VTI1A: variants seen among roughly 807,000 people sequenced by gnomAD.
The protein encoded by VTI1A is vesicle transport through interaction with t-SNAREs homolog 1A.
A neutral mutation model predicts 34.9 loss-of-function variants in VTI1A; 22 were observed. The ratio of observed to expected loss-of-function variants is 0.63; its 90% CI spans 0.45 to 0.90. The LOEUF (loss-of-function observed/expected upper bound fraction) is 0.90, where lower values mean the gene tolerates loss of function less well. VTI1A is among the 40% of genes least tolerant of loss of function. The pLI, the probability that VTI1A is intolerant of heterozygous loss-of-function variation, is 0.00. For missense variants in VTI1A, 268 were observed against 275.6 expected, an observed-to-expected ratio of 0.97 and a Z score of 0.20; for synonymous variants, 87 against 97.3, an observed-to-expected ratio of 0.89 and a Z score of 0.62.
the VTI1A span, chr10:112,831,878 A>G: frequency 6.6e-6 from 1 of 152,184 alleles, no homozygotes; most frequent in East Asian, 1.9e-4. Flanking sequence ...ATGGTTAAAT[A>G]AAATATGTCC....
chr10:112,686,637 A>C (rs1486750021), intron 7 of VTI1A, among the ~76,000 whole-genome samples: 2 of 152,168 alleles, frequency 1.3e-5, no homozygotes, highest in African/African-American at 4.8e-5. Context: ...TCTAAGTGGT[A>C]TAGTGAGGCA....
At chr10:112,459,593 G>C (rs1220350535) in intron 1 of VTI1A, among the ~76,000 whole-genome samples, 1 of 152,116 alleles carries the variant, frequency 6.6e-6, no homozygotes, top group Non-Finnish European at 1.5e-5. Context: ...GAGGAAGAAG[G>C]CCTTTGAAGA....
rs35475815 is a variant in VTI1A, at chr10:112,474,458, CT to C, written c.264+9816del. On this transcript the variant is annotated intron_variant, in intron 3 of 7. Transcript: ENST00000393077. ...TTCATTTTCTTTTCTTCATTCTTTC[CT>C]TTTTTTTTTTTTTTAAGACAGGGCC... Among the ~76,000 whole-genome samples the C allele has an allele frequency of 6.4e-3, 903 of 141,766 alleles. 3 individuals carry two copies. Among genetic ancestry groups the C allele is most frequent in the African/African-American group, 9.0e-3 (351 of 39,044 alleles). The allele number at this position is 141,766 out of a possible 152,430, so 93.0% of individuals were successfully genotyped here.
intron 7 of VTI1A, among the ~76,000 whole-genome samples, chr10:112,718,116 C>T: frequency 6.6e-6 from 1 of 152,114 alleles, no homozygotes; most frequent in East Asian, 1.9e-4. Context: ...ATCCTGTTGC[C>T]CCATCTTCTA....
At chr10:112,673,462 G>GCA (rs1282935356) in intron 7 of VTI1A, among the ~76,000 whole-genome samples, 3 of 34,714 alleles carry the variant, frequency 8.6e-5, no homozygotes, top group African/African-American at 1.1e-4. Flanking sequence ...ATGCGCGCGT[G>GCA]CGCGCGCACA....
At chr10:112,512,454 C>T (rs1849645464) in intron 3 of VTI1A, among the ~76,000 whole-genome samples, 1 of 152,032 alleles carries the variant, frequency 6.6e-6, no homozygotes, top group Admixed American at 6.5e-5. Context: ...ATATTAGTCA[C>T]CTGTTGGATG....
the VTI1A span, among the ~76,000 whole-genome samples, chr10:112,851,740 G>A: frequency 2.0e-5 from 3 of 152,156 alleles, no homozygotes; most frequent in African/African-American, 7.2e-5. Flanking sequence ...TCTGAACTAG[G>A]GAGACGCATT....
chr10:112,529,260 T>C (rs977629804), intron 4 of VTI1A, among the ~76,000 whole-genome samples: 1 of 152,162 alleles, frequency 6.6e-6, no homozygotes, highest in Non-Finnish European at 1.5e-5. Flanking sequence ...CACTGAACGT[T>C]TTGGATATTT....
intron 5 of VTI1A, among the ~76,000 whole-genome samples, chr10:112,593,861 T>A (rs752751384): frequency 1.3e-5 from 2 of 150,056 alleles, no homozygotes; most frequent in Non-Finnish European, 3.0e-5. Flanking sequence ...CTCAGTCTCC[T>A]GAGTAGCTAG....
intron 5 of VTI1A, among the ~76,000 whole-genome samples, chr10:112,585,140 A>G (rs1844094971): frequency 6.6e-6 from 1 of 152,226 alleles, no homozygotes. Flanking sequence ...ATAAAGGGCC[A>G]CACAGAAGAA....
At chr10:112,490,320 C>T (rs1486694374) in intron 3 of VTI1A, among the ~76,000 whole-genome samples, 2 of 152,198 alleles carry the variant, frequency 1.3e-5, no homozygotes, top group African/African-American at 2.4e-5. Flanking sequence ...CAGTTTGGCT[C>T]ACCGGTTGGT....
chr10:112,706,883 G>GT (rs1245761555), intron 7 of VTI1A, among the ~76,000 whole-genome samples: 1 of 152,046 alleles, frequency 6.6e-6, no homozygotes, highest in East Asian at 1.9e-4. Context: ...GCAGCAGCAG[G>GT]TTTTTTTCAT....
intron 5 of VTI1A, among the ~76,000 whole-genome samples, chr10:112,571,016 C>T (rs776959773): frequency 2.6e-5 from 4 of 152,190 alleles, no homozygotes; most frequent in Admixed American, 2.6e-4. Context: ...ATTTATTGAG[C>T]ATCTTCTATG....
chr10:112,561,960 T>C (rs1444616338), intron 5 of VTI1A, among the ~76,000 whole-genome samples: 1 of 152,194 alleles, frequency 6.6e-6, no homozygotes, highest in Non-Finnish European at 1.5e-5. Context: ...TCGAACTCTT[T>C]TACCAGAATT....
chr10:112,790,920 C>T (rs1283982718), intron 7 of VTI1A, among the ~76,000 whole-genome samples: 1 of 152,118 alleles, frequency 6.6e-6, no homozygotes, highest in Non-Finnish European at 1.5e-5. Flanking sequence ...CAATGAAAGA[C>T]CTCATCTTTG....
intron 7 of VTI1A, among the ~76,000 whole-genome samples, chr10:112,689,354 C>T (rs574863045): frequency 9.2e-5 from 14 of 152,264 alleles, no homozygotes; most frequent in South Asian, 4.2e-4. Context: ...CATGTGTTAA[C>T]CAAGTGTAAT....
At chr10:112,598,673 T>G (rs1473093232) in intron 5 of VTI1A, among the ~76,000 whole-genome samples, 1 of 152,210 alleles carries the variant, frequency 6.6e-6, no homozygotes, top group Non-Finnish European at 1.5e-5. Flanking sequence ...AAGACCCAAA[T>G]AATGGAGAAC....
chr10:112,591,100 C>CA (rs968174692), intron 5 of VTI1A, among the ~76,000 whole-genome samples: 85 of 151,602 alleles, frequency 5.6e-4, no homozygotes, highest in African/African-American at 1.5e-3. Context: ...GACTCTGTCT[C>CA]AAAAAAAAGA....
chr10:112,616,080 G>A (rs1197292599), intron 5 of VTI1A, among the ~76,000 whole-genome samples: 1 of 152,152 alleles, frequency 6.6e-6, no homozygotes, highest in Non-Finnish European at 1.5e-5. Context: ...TTAGATAAAA[G>A]TTTAAACATA....
Sources: allele counts gnomAD v4.1 joint callset (sites outside exome capture counted in the v4.1 genomes callset), GRCh38; gene constraint gnomAD v4.1.1; transcripts MANE v1.5; gene names NCBI Gene and HGNC (gene_info 2026-07-23, HGNC 2026-07-21).